MRPS6: variants seen among roughly 807,000 people sequenced by gnomAD.
MRPS6 encodes the protein small ribosomal subunit protein bS6m.
In MRPS6, 6 loss-of-function variants were observed where a neutral mutation model predicts 13.1. The observed-to-expected ratio is 0.46, with a 90% CI of 0.25 to 0.91. The LOEUF (loss-of-function observed/expected upper bound fraction) is 0.91, where lower values mean the gene tolerates loss of function less well. MRPS6 is among the 40% of genes least tolerant of loss of function. The pLI is 0.18. For synonymous variants in MRPS6, 61 were observed against 56.5 expected, an observed-to-expected ratio of 1.08 and a Z score of -0.36; for missense variants, 164 against 155.6, an observed-to-expected ratio of 1.05 and a Z score of -0.29.
chr21:34,091,666 A>C (rs929229126), intron 1 of MRPS6, among the ~76,000 whole-genome samples: 1 of 152,222 alleles, frequency 6.6e-6, no homozygotes, highest in African/African-American at 2.4e-5. Flanking sequence ...GAATAGAACC[A>C]AAACTGCATT....
rs557794875 is a variant in MRPS6 at position 34,082,105 on chromosome 21, A to G, written c.45+8360A>G. Reference sequence around the variant, plus strand: ...CTAATTGAATACTTAGGTACCATGGATCAAATGTAATGTATCTGTGGGTTA... The same window carrying G: ...CTAATTGAATACTTAGGTACCATGGGTCAAATGTAATGTATCTGTGGGTTA... On this transcript the variant is annotated intron_variant, in intron 1 of 2. Coordinates refer to ENST00000399312, the MANE Select transcript of MRPS6 (RefSeq NM_032476.4). Among the ~76,000 whole-genome samples the G allele has an allele frequency of 2.0e-5, 3 of 150,690 alleles. No homozygotes were observed. The South Asian group carries it at 6.3e-4, about 32-fold the overall frequency.
intron 2 of MRPS6, among the ~76,000 whole-genome samples, chr21:34,127,451 T>A (rs1374484938): frequency 6.6e-6 from 1 of 152,220 alleles, no homozygotes. Context: ...AGGTTCACAG[T>A]GCACATTGGC....
chr21:34,075,398 C>T (rs1263346162), intron 1 of MRPS6, among the ~76,000 whole-genome samples: 1 of 152,158 alleles, frequency 6.6e-6, no homozygotes, highest in Non-Finnish European at 1.5e-5. Context: ...AAGTGTATTT[C>T]TTTTACCATT....
At chr21:34,107,669 C>G (rs934509882) in intron 1 of MRPS6, among the ~76,000 whole-genome samples, 1 of 152,138 alleles carries the variant, frequency 6.6e-6, no homozygotes, top group Non-Finnish European at 1.5e-5. Context: ...TCCCCTTTTC[C>G]TGTTCATTTG....
intron 1 of MRPS6, chr21:34,101,481 G>A (rs1276401512): frequency 9.0e-6 from 9 of 999,956 alleles, no homozygotes; most frequent in Non-Finnish European, 1.1e-5. Flanking sequence ...GTTGATAATA[G>A]CCTGAGCAGA....
At chr21:34,095,780 T>A (rs991995302) in intron 1 of MRPS6, 1 of 1,613,890 alleles carries the variant, frequency 6.2e-7, no homozygotes, top group African/African-American at 1.3e-5. Context: ...TCATGATCAT[T>A]GGGGCACTTA....
chr21:34,097,402 C>A, intron 1 of MRPS6: 2 of 1,368,264 alleles, frequency 1.5e-6, no homozygotes, highest in South Asian at 2.9e-5. Flanking sequence ...ACTGACTGGT[C>A]TTTGGGGAAA....
At chr21:34,104,764 A>G in intron 1 of MRPS6, 1 of 1,000,322 alleles carries the variant, frequency 1.0e-6, no homozygotes, top group Non-Finnish European at 1.2e-6. Flanking sequence ...TTGGCTTAGC[A>G]ACATGTGATA....
At chr21:34,097,097 T>G in intron 1 of MRPS6, 1 of 1,613,980 alleles carries the variant, frequency 6.2e-7, no homozygotes, top group Non-Finnish European at 8.5e-7. Flanking sequence ...CTTACTCCAA[T>G]GGGCAAGCAG....
At chr21:34,125,275 C>G in intron 1 of MRPS6, 66 bp from the exon 2 acceptor site, 2 of 1,573,782 alleles carry the variant, frequency 1.3e-6, no homozygotes, top group Non-Finnish European at 1.7e-6. Flanking sequence ...CAGACTTAAT[C>G]ATTCTAGCTC....
chr21:34,101,815 T>G (rs933129014), intron 1 of MRPS6: 4 of 998,768 alleles, frequency 4.0e-6, no homozygotes, highest in Non-Finnish European at 4.8e-6. Flanking sequence ...TTTCTCACAC[T>G]TTGTGTTGGC....
chr21:34,099,174 C>T, intron 1 of MRPS6: 1 of 999,244 alleles, frequency 1.0e-6, no homozygotes, highest in Non-Finnish European at 1.2e-6. Flanking sequence ...TTCTGAAGAG[C>T]TTAGAGTGCC....
At chr21:34,134,939 C>T (rs1163835129) in intron 2 of MRPS6, among the ~76,000 whole-genome samples, 1 of 152,144 alleles carries the variant, frequency 6.6e-6, no homozygotes, top group Non-Finnish European at 1.5e-5. Context: ...GTATTAAATG[C>T]GTTTTCAACA....
chr21:34,132,659 G>GT (rs1217871630), intron 2 of MRPS6, among the ~76,000 whole-genome samples: 1 of 152,210 alleles, frequency 6.6e-6, no homozygotes, highest in African/African-American at 2.4e-5. Flanking sequence ...GTGGGGAGCT[G>GT]TGGGGTCTGG....
At chr21:34,094,235 G>A (rs543869461) in intron 1 of MRPS6, among the ~76,000 whole-genome samples, 1 of 152,182 alleles carries the variant, frequency 6.6e-6, no homozygotes, top group South Asian at 2.1e-4. Context: ...TTAGGGCAGG[G>A]GGCGTCTCAC....
At chr21:34,075,510 C>T (rs932779356) in intron 1 of MRPS6, among the ~76,000 whole-genome samples, 3 of 151,978 alleles carry the variant, frequency 2.0e-5, no homozygotes, top group Non-Finnish European at 1.5e-5. Flanking sequence ...TAATAAATAA[C>T]CTTCCTTGAA....
chr21:34,075,476 C>G (rs779169988), intron 1 of MRPS6, among the ~76,000 whole-genome samples: 2 of 151,896 alleles, frequency 1.3e-5, no homozygotes, highest in Non-Finnish European at 2.9e-5. Flanking sequence ...TAGTTCAGAT[C>G]AACAGAGCGT....
intron 1 of MRPS6, among the ~76,000 whole-genome samples, chr21:34,091,405 A>T (rs1862215873): frequency 6.6e-6 from 1 of 152,016 alleles, no homozygotes. Flanking sequence ...TGCTGTTTAC[A>T]TATAGTTCCA....
intron 1 of MRPS6, among the ~76,000 whole-genome samples, chr21:34,114,029 A>G (rs963521952): frequency 1.3e-5 from 2 of 152,090 alleles, no homozygotes; most frequent in Admixed American, 6.6e-5. Flanking sequence ...CCCACTATCC[A>G]TTTCACAAGC....
Sources: allele counts gnomAD v4.1 joint callset (sites outside exome capture counted in the v4.1 genomes callset), GRCh38; gene constraint gnomAD v4.1.1; transcripts MANE v1.5; gene names NCBI Gene and HGNC (gene_info 2026-07-23, HGNC 2026-07-21).